The following ZNF77 variants were observed in gnomAD, a reference collection of about 807,000 sequenced individuals.
ZNF77 encodes zinc finger protein 77, also known as ZNFpT1.
A neutral mutation model predicts 13.5 loss-of-function variants in ZNF77; 15 were observed. That is an observed-to-expected ratio of 1.11 (90% CI 0.74 to 1.71). The LOEUF is 1.71. Among genes scored for constraint, ZNF77 ranks in the 40% most tolerant of loss-of-function variants. The pLI, the probability that ZNF77 is intolerant of heterozygous loss-of-function variation, is 0.00. For synonymous variants in ZNF77, 282 were observed against 250.0 expected (o/e 1.13, Z -1.21); for missense variants, 717 against 676.4 (o/e 1.06, Z -0.67).
rs771403209 is a variant in ZNF77 at position 2,934,396 on chromosome 19, A to G, written c.731T>C (p.Val244Ala). The G allele has an allele frequency of 1.9e-5, 31 of 1,614,058 alleles. No homozygotes were observed. Among genetic ancestry groups the G allele is most frequent in the Non-Finnish European group, 2.5e-5 (29 of 1,180,042 alleles). Residue 244 changes from valine to alanine, a missense_variant, in exon 4 of 4, where the codon GTA becomes GCA. Physicochemically the swap from Val to Ala is moderately conservative, Grantham distance 64 (BLOSUM62 0). Coordinates refer to ENST00000314531, the MANE Select transcript of ZNF77 (RefSeq NM_021217.3). ...GTAATACATAAAGGTCTTCCCACAT[A>G]CTTTACATGCATGGGTTTTCTGCCC... The part of the protein sequence containing the change: ...HHGQKTHACK[V>A]CGKTFMYYSY...
chr19:2,939,828 A>C, intron 1 of ZNF77: 1 of 197,646 alleles, frequency 5.1e-6, no homozygotes, highest in Non-Finnish European at 1.0e-5. Flanking sequence ...AAAATACAAT[A>C]AATTAACCAG....
Position 2,933,868 on chromosome 19 carries a change from GA to G in ZNF77, c.1258del (p.Ser420ProfsTer8). On this transcript the variant is annotated frameshift_variant, in exon 4 of 4. Transcript: ENST00000314531. LOFTEE classifies it low-confidence loss of function (END_TRUNC). ...CCTCACGTGGATTCGAAGGGAGGAG[GA>G]AAAACTGTAGGCTTTCCCACACTCT... ...CKECGKAYSF[S>X]SSLRIHVRTH... 2 of 1,610,816 alleles carry G rather than the reference GA, an allele frequency of 1.2e-6. No individual in the cohort carries two copies. The highest frequency in any genetic ancestry group is 1.1e-5 in the South Asian group (1 of 90,832).
intron 1 of ZNF77, among the ~76,000 whole-genome samples, chr19:2,941,371 G>C (rs147177863): frequency 6.6e-6 from 1 of 151,984 alleles, no homozygotes; most frequent in African/African-American, 2.4e-5. Context: ...CCAGCTACTT[G>C]GGAGGCTGAG....
intron 1 of ZNF77, among the ~76,000 whole-genome samples, chr19:2,941,460 G>A (rs2088447843): frequency 6.6e-6 from 1 of 152,000 alleles, no homozygotes; most frequent in South Asian, 2.1e-4. Flanking sequence ...CTGGGTGACA[G>A]AGTGAGACTG....
At position 2,934,151 on chromosome 19, in the gene ZNF77, A is replaced by G; in HGVS notation, c.976T>C (p.Cys326Arg). Residue 326 changes from cysteine to arginine, a missense_variant, in exon 4 of 4, where the codon TGT becomes CGT. Physicochemically the swap from Cys to Arg is radical, Grantham distance 180. Coordinates refer to ENST00000314531, the MANE Select transcript of ZNF77 (RefSeq NM_021217.3). ...GTGAACGCTTTTCCGCAATGTTTACACTGACAGGGTTTCTCTCCAGTGTGC... is the reference window on the plus strand; with the variant it reads ...GTGAACGCTTTTCCGCAATGTTTACGCTGACAGGGTTTCTCTCCAGTGTGC... ...RTHTGEKPCQ[C>R]KHCGKAFTCY... 5 of 1,613,992 alleles carry G rather than the reference A, an allele frequency of 3.1e-6. No homozygotes were observed. The highest frequency in any genetic ancestry group is 3.4e-6 in the Non-Finnish European group (4 of 1,179,962).
chr19:2,934,559 A>G lies in ZNF77; in HGVS notation c.568T>C (p.Cys190Arg), dbSNP rs756488719. 6.8e-6 allele frequency: 11 copies of G among 1,614,184 alleles called. No individual in the cohort carries two copies. Among genetic ancestry groups the G allele is most frequent in the Non-Finnish European group, 6.8e-6 (8 of 1,180,028 alleles). The change falls in exon 4 of 4, where the codon TGT becomes CGT. Residue 190 changes from cysteine to arginine, a missense_variant. Physicochemically the swap from Cys to Arg is radical, Grantham distance 180. Coordinates refer to ENST00000314531, the MANE Select transcript of ZNF77 (RefSeq NM_021217.3). ...GCTGTCCTTGAGTCCTGGCAATTAC[A>G]GGGTTTCTCTACAGTCTGCGTTTTC... is the stretch of plus-strand genomic sequence containing the variant. ...PMKTQTVEKPCNCQDSRTASV... is the reference protein window; with the variant it reads ...PMKTQTVEKPRNCQDSRTASV...
At chr19:2,943,731 G>A (rs972895362) in intron 1 of ZNF77, among the ~76,000 whole-genome samples, 4 of 59,302 alleles carry the variant, frequency 6.7e-5, no homozygotes, top group Non-Finnish European at 1.5e-4. Flanking sequence ...TTGTTTTTGA[G>A]ACGGAGTCTT....
Position 2,934,625 on chromosome 19 carries a change from C to T in ZNF77, c.502G>A (p.Gly168Arg), listed in dbSNP as rs1417928126. 1 of 1,614,130 alleles carries T rather than the reference C, an allele frequency of 6.2e-7. No individual in the cohort carries two copies. Among genetic ancestry groups the T allele is most frequent in the Non-Finnish European group, 8.5e-7 (1 of 1,180,010 alleles). Residue 168 changes from glycine (G) to arginine (R), a missense_variant, in exon 4 of 4, where the codon GGG (glycine) becomes AGG (arginine). Transcript: ENST00000314531. The stretch of plus-strand genomic sequence containing the variant: ...CAGGAGAGGCAGCTGCAGGCTTGCC[C>T]ACATTCCTTACACGGTCTCTGTCCA... ...HTGQRPCKECGQACSCLSCQS... is the reference protein window; with the variant it reads ...HTGQRPCKECRQACSCLSCQS...
At position 2,935,702 on chromosome 19, in the gene ZNF77, C is replaced by A. The variant is rs73527671; in HGVS notation, c.311+822G>T. Among the ~76,000 whole-genome samples, 1,004 of 152,204 alleles carry A rather than the reference C, an allele frequency of 6.6e-3. 9 individuals are homozygous for A. Among genetic ancestry groups the A allele is most frequent in the African/African-American group, 0.023 (959 of 41,542 alleles). On this transcript the variant is annotated intron_variant, in intron 3 of 3. Coordinates refer to ENST00000314531, the MANE Select transcript of ZNF77 (RefSeq NM_021217.3). ...TTTCAGACACGTGACATTGACATCACATTTATAAAAATACTCTCTTAGGAA... is the reference window on the plus strand; with the variant it reads ...TTTCAGACACGTGACATTGACATCAAATTTATAAAAATACTCTCTTAGGAA...
chr19:2,939,587 G>A, intron 1 of ZNF77, 180 bp from the exon 2 acceptor site: 3 of 766,438 alleles, frequency 3.9e-6, no homozygotes, highest in Non-Finnish European at 6.2e-6. Flanking sequence ...TCCCAACAGG[G>A]AGCAAAGCGC....
Position 2,936,681 on chromosome 19 carries a change from T to C in ZNF77, c.154A>G (p.Ser52Gly), listed in dbSNP as rs186272618. Residue 52 changes from serine to glycine, a missense_variant, in exon 3 of 4, where the codon AGT becomes GGT. Coordinates refer to ENST00000314531, the MANE Select transcript of ZNF77 (RefSeq NM_021217.3). ...SLDCYIYVRTSGSSSQRDVFG... is the reference protein window; with the variant it reads ...SLDCYIYVRTGGSSSQRDVFG... Reference sequence around the variant, plus strand: ...ACGTCCCTCTGAGAACTTGATCCACTGGTTCTAACATAAATGTAACAATCT... The same window carrying C: ...ACGTCCCTCTGAGAACTTGATCCACCGGTTCTAACATAAATGTAACAATCT... 6.2e-7 allele frequency: 1 copy of C among 1,608,530 alleles called. No individual in the cohort carries two copies. The highest frequency in any genetic ancestry group is 1.3e-5 in the African/African-American group (1 of 74,770).
intron 1 of ZNF77, chr19:2,939,801 G>A (rs767958476): frequency 3.7e-4 from 75 of 204,130 alleles, no homozygotes; most frequent in East Asian, 1.1e-3. Flanking sequence ...GTGAGATCCC[G>A]TCTCTACAAA....
intron 2 of ZNF77, 111 bp from the exon 3 acceptor site, chr19:2,936,815 G>A (rs1211103468): frequency 1.0e-6 from 1 of 994,884 alleles, no homozygotes; most frequent in Non-Finnish European, 1.5e-6. Flanking sequence ...CGTTTATAAG[G>A]AAGAATAGAC....
In ZNF77 at chr19:2,933,822, G is replaced by C; in HGVS notation, c.1305C>G (p.Pro435=). ...IHVRTHTGEK[P]FECKHCGKAF... is the part of the protein sequence containing the mutation. ...CTTTCCCACAATGCTTACACTCAAAGGGCTTCTCTCCAGTATGCGTCCTCA... is the reference window on the plus strand; with the variant it reads ...CTTTCCCACAATGCTTACACTCAAACGGCTTCTCTCCAGTATGCGTCCTCA... Residue 435 remains proline, a synonymous_variant, in exon 4 of 4, where the codon CCC becomes CCG. Transcript: ENST00000314531. 8 of 1,613,014 alleles carry C rather than the reference G, an allele frequency of 5.0e-6. No homozygotes were observed. Among genetic ancestry groups the C allele is most frequent in the Non-Finnish European group, 6.8e-6 (8 of 1,179,326 alleles).
chr19:2,936,679 A>C lies in ZNF77; in HGVS notation c.156T>G (p.Ser52Arg). 6.2e-7 allele frequency: 1 copy of C among 1,608,076 alleles called. No homozygotes were observed. Among genetic ancestry groups the C allele is most frequent in the Non-Finnish European group, 8.5e-7 (1 of 1,178,386 alleles). ...AAACGTCCCTCTGAGAACTTGATCCACTGGTTCTAACATAAATGTAACAAT... is the reference window on the plus strand; with the variant it reads ...AAACGTCCCTCTGAGAACTTGATCCCCTGGTTCTAACATAAATGTAACAAT... ...SLDCYIYVRT[S>R]GSSSQRDVFG... Residue 52 changes from serine (S) to arginine (R), a missense_variant, in exon 3 of 4, where the codon AGT becomes AGG. By Grantham distance (110) the Ser-to-Arg change is moderately radical. Transcript: ENST00000314531.
intron 1 of ZNF77, among the ~76,000 whole-genome samples, chr19:2,941,708 C>T (rs1467782024): frequency 3.3e-5 from 5 of 152,138 alleles, no homozygotes; most frequent in Non-Finnish European, 4.4e-5. Context: ...TCGGAATTGC[C>T]GCTTCTCTGT....
In ZNF77 at chr19:2,933,989, A is replaced by G; in HGVS notation, c.1138T>C (p.Tyr380His). 3 of 1,614,158 alleles carry G rather than the reference A, an allele frequency of 1.9e-6. No individual in the cohort carries two copies. Among genetic ancestry groups the G allele is most frequent in the Non-Finnish European group, 2.5e-6 (3 of 1,180,028 alleles). ...GCCTTCCCACACTGCTTGCACACATAGGGCTTCTCTCCGGTGTGCATTCTC... is the reference window on the plus strand; with the variant it reads ...GCCTTCCCACACTGCTTGCACACATGGGGCTTCTCTCCGGTGTGCATTCTC... ...HMRMHTGEKP[Y>H]VCKQCGKAFG... is the part of the protein sequence containing the mutation. The change falls in exon 4 of 4, where the codon TAT becomes CAT. Residue 380 changes from tyrosine (Y) to histidine (H), a missense_variant. Tyr to His is a moderately conservative substitution (Grantham distance 83). Coordinates refer to ENST00000314531, the MANE Select transcript of ZNF77 (RefSeq NM_021217.3).
At chr19:2,944,047 C>A (rs181697179) in intron 1 of ZNF77, among the ~76,000 whole-genome samples, 28 of 151,846 alleles carry the variant, frequency 1.8e-4, no homozygotes, top group Non-Finnish European at 3.2e-4. Context: ...GGACAGGGCA[C>A]CACCTCCTCC....
At position 2,934,051 on chromosome 19, in the gene ZNF77, T is replaced by C. The variant is rs2088370852; in HGVS notation, c.1076A>G (p.Lys359Arg). The change falls in exon 4 of 4, where the codon AAA (lysine) becomes AGA (arginine). Residue 359 changes from lysine to arginine, a missense_variant. Transcript: ENST00000314531. Reference sequence around the variant, plus strand: ...CAGAGAGGAGGGGTACCTGAAGGCTTTGCCGCATTCCTTACATTCATAGGG... The same window carrying C: ...CAGAGAGGAGGGGTACCTGAAGGCTCTGCCGCATTCCTTACATTCATAGGG... Reference protein sequence around the residue: ...EKPYECKECGKAFRYPSSLRA... With the variant: ...EKPYECKECGRAFRYPSSLRA... 1 of 1,614,044 alleles carries C rather than the reference T, an allele frequency of 6.2e-7. No individual in the cohort carries two copies. The highest frequency in any genetic ancestry group is 1.3e-5 in the African/African-American group (1 of 74,916).
Sources: allele counts gnomAD v4.1 joint callset (sites outside exome capture counted in the v4.1 genomes callset), GRCh38; gene constraint gnomAD v4.1.1; transcripts MANE v1.5; gene names NCBI Gene and HGNC (gene_info 2026-07-23, HGNC 2026-07-21).